Variants in PRKCA observed in about 807,000 individuals in gnomAD.
PRKCA encodes protein kinase C alpha type.
Under a neutral mutation model 87.0 loss-of-function variants are expected in PRKCA, and 27 were observed. The ratio of observed to expected loss-of-function variants is 0.31; its 90% CI spans 0.23 to 0.43. The LOEUF (loss-of-function observed/expected upper bound fraction) is 0.43, where lower values mean the gene tolerates loss of function less well. Ranked by LOEUF, PRKCA falls within the 20% of genes least tolerant of loss-of-function variation. PRKCA has a pLI of 1.00. For synonymous variants in PRKCA, 329 were observed against 311.1 expected (o/e 1.06, Z -0.61); for missense variants, 518 against 852.3 (o/e 0.61, Z 4.88).
intron 10 of PRKCA, among the ~76,000 whole-genome samples, chr17:66,735,920 C>CTTTTTTTTTTTTTTTTTTT: frequency 8.2e-6 from 1 of 122,102 alleles, no homozygotes; most frequent in Non-Finnish European, 1.6e-5. Flanking sequence ...TTCTTTCTTT[C>CTTTTTTTTTTTTTTTTTTT]TTTTTTTTTT....
At position 66,721,395 on chromosome 17, in the gene PRKCA, C is replaced by CA. The variant is rs55795871; in HGVS notation, c.919-11275dup. On this transcript the variant is annotated intron_variant, in intron 8 of 16. Coordinates refer to ENST00000413366, the MANE Select transcript of PRKCA (RefSeq NM_002737.3). ...TGGGCAACAGAGCAAGATTCCGTCT[C>CA]AAAAAAAAAAAAAAAAAAGAATGGC... 7.6e-3 allele frequency among the ~76,000 whole-genome samples: 746 copies of CA among 98,164 alleles called. 7 individuals carry two copies. The highest frequency in any genetic ancestry group is 0.012 in the Middle Eastern group (2 of 164). The allele number at this position is 98,164 out of a possible 152,430, so 64.4% of individuals were successfully genotyped here.
chr17:66,530,447 C>G (rs1967497976), intron 3 of PRKCA, among the ~76,000 whole-genome samples: 1 of 152,160 alleles, frequency 6.6e-6, no homozygotes, highest in Non-Finnish European at 1.5e-5. Flanking sequence ...CAAATAACAC[C>G]TATTTCTTTT....
chr17:66,790,397 GCACACTGATTTCAGGGGGGTCT>G (rs72083259), intron 16 of PRKCA, among the ~76,000 whole-genome samples: 20,282 of 152,124 alleles, frequency 0.13, 1,442 homozygotes, highest in East Asian at 0.18. Context: ...AGTCAGCCCT[GCACACTGATTTCAGGGGGGTCT>G]CACGGGCTCC....
chr17:66,610,354 T>C (rs1260286653), intron 3 of PRKCA, among the ~76,000 whole-genome samples: 1 of 152,090 alleles, frequency 6.6e-6, no homozygotes, highest in Non-Finnish European at 1.5e-5. Flanking sequence ...CCAGAGACTT[T>C]TATGGAGGCC....
At chr17:66,306,277 A>T in intron 2 of PRKCA, 150 bp downstream of exon 2, 1 of 734,270 alleles carries the variant, frequency 1.4e-6, no homozygotes, top group Non-Finnish European at 2.2e-6. Context: ...GGGCCTTAAA[A>T]AATAATTGGG....
At chr17:66,783,626 C>T (rs76469351) in intron 14 of PRKCA, among the ~76,000 whole-genome samples, 6 of 152,208 alleles carry the variant, frequency 3.9e-5, no homozygotes, top group African/African-American at 1.4e-4. Context: ...GTTCCCCAAA[C>T]GATTCCTGGC....
intron 5 of PRKCA, among the ~76,000 whole-genome samples, chr17:66,668,500 C>T (rs907281766): frequency 2.0e-5 from 3 of 152,166 alleles, no homozygotes; most frequent in Non-Finnish European, 4.4e-5. Flanking sequence ...AAAACACACT[C>T]GTCATTGGAC....
intron 5 of PRKCA, among the ~76,000 whole-genome samples, chr17:66,654,077 G>GT (rs1368522448): frequency 2.6e-5 from 4 of 152,178 alleles, no homozygotes; most frequent in African/African-American, 9.7e-5. Context: ...GTAAGAATGA[G>GT]TGGGGCGTTC....
chr17:66,759,897 C>T (rs1031982886), intron 13 of PRKCA, among the ~76,000 whole-genome samples: 3 of 152,104 alleles, frequency 2.0e-5, no homozygotes, highest in African/African-American at 7.2e-5. Context: ...TTAATGTGTG[C>T]GTCTGACAGC....
chr17:66,396,631 C>CTCT (rs1555597972), intron 2 of PRKCA, among the ~76,000 whole-genome samples: 1 of 137,248 alleles, frequency 7.3e-6, no homozygotes, highest in South Asian at 2.2e-4. Context: ...CATTCTCTCT[C>CTCT]TTTTTTTTTT....
intron 2 of PRKCA, among the ~76,000 whole-genome samples, chr17:66,440,389 T>C (rs1330690084): frequency 1.3e-5 from 2 of 152,238 alleles, no homozygotes. Context: ...ACATAATTAC[T>C]TTGAATGAAT....
At chr17:66,801,872 A>G (rs1008137884) in intron 16 of PRKCA, among the ~76,000 whole-genome samples, 2 of 152,164 alleles carry the variant, frequency 1.3e-5, no homozygotes, top group African/African-American at 2.4e-5. Context: ...CTCACCATTC[A>G]TTGTGGTGTG....
chr17:66,533,737 G>A (rs1967654355), intron 3 of PRKCA, among the ~76,000 whole-genome samples: 1 of 152,156 alleles, frequency 6.6e-6, no homozygotes, highest in South Asian at 2.1e-4. Context: ...CCTTTTGCGA[G>A]TTTCCTGCAA....
chr17:66,662,555 TG>T (rs1206615333), intron 5 of PRKCA, among the ~76,000 whole-genome samples: 1 of 152,174 alleles, frequency 6.6e-6, no homozygotes, highest in African/African-American at 2.4e-5. Context: ...TCTTTAGTTT[TG>T]GTGCATGTGG....
chr17:66,781,886 T>G (rs200962910), intron 14 of PRKCA, among the ~76,000 whole-genome samples: 257 of 121,798 alleles, frequency 2.1e-3, no homozygotes, highest in Admixed American at 6.0e-3. Context: ...TATATATATA[T>G]AGTGTGTGTG....
intron 13 of PRKCA, among the ~76,000 whole-genome samples, chr17:66,764,465 G>A (rs552327425): frequency 8.5e-5 from 13 of 152,270 alleles, no homozygotes; most frequent in African/African-American, 2.9e-4. Context: ...CTACCCCCTG[G>A]TCCCTTTCAT....
At chr17:66,452,849 G>A (rs551955037) in intron 2 of PRKCA, among the ~76,000 whole-genome samples, 1 of 152,342 alleles carries the variant, frequency 6.6e-6, no homozygotes, top group Non-Finnish European at 1.5e-5. Context: ...GGATGACAGA[G>A]CGAGACTCCG....
chr17:66,733,142 C>T (rs1973944901), intron 9 of PRKCA, among the ~76,000 whole-genome samples: 1 of 126,346 alleles, frequency 7.9e-6, no homozygotes, highest in South Asian at 2.8e-4. Context: ...CAGTGAGACT[C>T]CGTCTCAAAA....
At chr17:66,796,391 A>G (rs1240155254) in intron 16 of PRKCA, 2 of 972,634 alleles carry the variant, frequency 2.1e-6, no homozygotes, top group Non-Finnish European at 2.4e-6. Flanking sequence ...CTGGACTTGC[A>G]AGGCCAGGAA....
Sources: gnomAD v4.1 joint callset for allele counts (sites outside exome capture counted in the v4.1 genomes callset) on GRCh38, gnomAD v4.1.1 for gene constraint, MANE v1.5 for transcripts, NCBI Gene and HGNC (gene_info 2026-07-23, HGNC 2026-07-21) for gene names.